The following TMEM131 variants were observed in gnomAD, a reference collection of about 807,000 sequenced individuals.
The protein encoded by TMEM131 is 2610524E03Rik.
TMEM131 carries 66 observed loss-of-function variants against 211.6 expected under a neutral mutation model. That is an observed-to-expected ratio of 0.31 (90% CI 0.26 to 0.38). TMEM131 has a LOEUF of 0.38. Among genes scored for constraint, TMEM131 ranks in the 10% least tolerant of loss-of-function variants. The probability of loss-of-function intolerance (pLI) is 1.00; values close to 1 mark genes in which losing one functional copy is unlikely to be tolerated. For missense variants in TMEM131, 2,036 were observed against 2,299.3 expected (o/e 0.89, Z 2.34); for synonymous variants, 844 against 841.3 (o/e 1.00, Z -0.06).
intron 1 of TMEM131, among the ~76,000 whole-genome samples, chr2:97,928,064 T>G (rs1029172704): frequency 6.6e-6 from 1 of 152,198 alleles, no homozygotes; most frequent in Non-Finnish European, 1.5e-5. Context: ...ATCGTGCTTC[T>G]GGTATTGACT....
At chr2:97,804,029 G>A (rs976828984) in intron 22 of TMEM131, among the ~76,000 whole-genome samples, 3 of 151,642 alleles carry the variant, frequency 2.0e-5, no homozygotes, top group African/African-American at 7.3e-5. Context: ...ACTTTTCATA[G>A]CAGAGAGTTC....
At position 97,886,136 on chromosome 2, in the gene TMEM131, C is replaced by G. The variant is rs542169000; in HGVS notation, c.359+1916G>C. Among the ~76,000 whole-genome samples, 142 of 152,158 alleles carry G rather than the reference C, an allele frequency of 9.3e-4. 2 individuals are homozygous for G. Among genetic ancestry groups the G allele is most frequent in the Admixed American group, 3.2e-3 (49 of 15,288 alleles). On this transcript the variant is annotated intron_variant, in intron 4 of 40. Transcript: ENST00000186436. ...TTTGGTTCTTTGTTATGTTACCTGT[C>G]TCTTTGTTGAATTTCTTATTCAAAT...
chr2:97,843,531 G>A (rs10187061), intron 6 of TMEM131, among the ~76,000 whole-genome samples: 40,970 of 151,916 alleles, frequency 0.27, 6,074 homozygotes, highest in Middle Eastern at 0.36. Context: ...GTAGAGATGA[G>A]GTCTTGCTTT....
chr2:97,780,655 T>C (rs1408513230), intron 31 of TMEM131, among the ~76,000 whole-genome samples: 1 of 152,094 alleles, frequency 6.6e-6, no homozygotes, highest in Non-Finnish European at 1.5e-5. Context: ...GTATAACATA[T>C]ATAATTATTA....
chr2:97,819,954 A>C (rs753329225), intron 11 of TMEM131, among the ~76,000 whole-genome samples: 5 of 152,246 alleles, frequency 3.3e-5, no homozygotes, highest in Non-Finnish European at 7.3e-5. Context: ...GCATGGAGAG[A>C]GAGAATGATC....
chr2:97,814,539 A>G (rs1681725151), intron 13 of TMEM131, among the ~76,000 whole-genome samples, 151 bp from the exon 14 acceptor site: 1 of 152,210 alleles, frequency 6.6e-6, no homozygotes, highest in South Asian at 2.1e-4. Context: ...GTGATTGACT[A>G]TATGATTTAA....
chr2:97,776,085 G>C, intron 31 of TMEM131, 67 bp from the exon 32 acceptor site: 1 of 1,510,382 alleles, frequency 6.6e-7, no homozygotes, highest in South Asian at 1.3e-5. Flanking sequence ...ATGGAGTCTT[G>C]CTCTGTCACC....
At chr2:97,851,923 A>C (rs993035986) in intron 5 of TMEM131, among the ~76,000 whole-genome samples, 9 of 152,202 alleles carry the variant, frequency 5.9e-5, no homozygotes, top group South Asian at 2.1e-4. Flanking sequence ...CTCTCACTTT[A>C]ACCCAAAATC....
chr2:97,838,303 T>A (rs1316044248), intron 7 of TMEM131, among the ~76,000 whole-genome samples: 2 of 152,068 alleles, frequency 1.3e-5, no homozygotes, highest in Non-Finnish European at 2.9e-5. Context: ...TATATTTAAT[T>A]CAATTAAATT....
chr2:97,918,422 T>A (rs1218750958), intron 2 of TMEM131, among the ~76,000 whole-genome samples: 2 of 152,212 alleles, frequency 1.3e-5, no homozygotes, highest in African/African-American at 4.8e-5. Context: ...CAACTAGCTA[T>A]AAAATCTTCT....
At chr2:97,930,222 A>C (rs1677161540) in intron 1 of TMEM131, among the ~76,000 whole-genome samples, 1 of 151,844 alleles carries the variant, frequency 6.6e-6, no homozygotes. Context: ...TAATTGGCAG[A>C]GGAAACCAAC....
At chr2:97,812,322 G>A (rs552732215) in intron 17 of TMEM131, 99 bp downstream of exon 17, 4 of 1,324,786 alleles carry the variant, frequency 3.0e-6, no homozygotes, top group East Asian at 2.3e-5. Context: ...ATTATGAACT[G>A]CATAAAAATA....
intron 12 of TMEM131, among the ~76,000 whole-genome samples, chr2:97,817,068 G>T (rs563105768): frequency 2.0e-5 from 3 of 152,210 alleles, no homozygotes; most frequent in Admixed American, 6.5e-5. Context: ...CTTTGCTGTT[G>T]TTATTTAATT....
At chr2:97,868,785 C>G (rs940256154) in intron 4 of TMEM131, among the ~76,000 whole-genome samples, 3 of 152,160 alleles carry the variant, frequency 2.0e-5, no homozygotes, top group African/African-American at 7.2e-5. Flanking sequence ...TGGAGTTAGA[C>G]AGTAGAACTC....
At position 97,802,477 on chromosome 2, in the gene TMEM131, G is replaced by A; in HGVS notation, c.2602C>T (p.Leu868=). 1 of 1,612,536 alleles carries A rather than the reference G, an allele frequency of 6.2e-7. No individual in the cohort carries two copies. Among genetic ancestry groups the A allele is most frequent in the Non-Finnish European group, 8.5e-7 (1 of 1,179,396 alleles). Residue 868 remains leucine, a synonymous_variant, in exon 24 of 41, where the codon CTG becomes TTG. Coordinates refer to ENST00000186436, the MANE Select transcript of TMEM131 (RefSeq NM_015348.2). ...ACTGAAGGGTTGGAATATAAAGCCA[G>A]AGGAATAAACTGAACATAGACAGGA... ...DVPVYVQFIP[L]ALYSNPSVFV...
At chr2:97,910,246 G>GTGGTGAAACTGGAACCT (rs1676239031) in intron 2 of TMEM131, among the ~76,000 whole-genome samples, 1 of 152,164 alleles carries the variant, frequency 6.6e-6, no homozygotes, top group Non-Finnish European at 1.5e-5. Context: ...TGGCAAGGAT[G>GTGGTGAAACTGGAACCT]TGGTGAAACT....
At chr2:97,879,805 T>G (rs1201735152) in intron 4 of TMEM131, among the ~76,000 whole-genome samples, 1 of 152,196 alleles carries the variant, frequency 6.6e-6, no homozygotes, top group Non-Finnish European at 1.5e-5. Flanking sequence ...ACAAAATACA[T>G]GTTAACTGAC....
chr2:97,885,804 G>A (rs1320903429), intron 4 of TMEM131, among the ~76,000 whole-genome samples: 1 of 152,086 alleles, frequency 6.6e-6, no homozygotes, highest in Non-Finnish European at 1.5e-5. Flanking sequence ...TACTGGACCT[G>A]GATGTCCATC....
chr2:97,827,114 G>T, intron 11 of TMEM131: 2 of 452,078 alleles, frequency 4.4e-6, no homozygotes. Context: ...AAACTTACAA[G>T]GTTTTCAACA....
Sources: allele counts gnomAD v4.1 joint callset (sites outside exome capture counted in the v4.1 genomes callset), GRCh38; gene constraint gnomAD v4.1.1; transcripts MANE v1.5; gene names NCBI Gene and HGNC (gene_info 2026-07-23, HGNC 2026-07-21).